The following RAB28 variants were observed in gnomAD, a reference collection of about 807,000 sequenced individuals.
RAB28 encodes ras-related protein Rab-28.
In RAB28, 24 loss-of-function variants were observed where a neutral mutation model predicts 31.7. The ratio of observed to expected loss-of-function variants is 0.76; its 90% CI spans 0.55 to 1.06. The LOEUF is 1.06. RAB28 is among the 50% of genes least tolerant of loss of function. The probability of loss-of-function intolerance (pLI) is 0.00; values close to 1 mark genes in which losing one functional copy is unlikely to be tolerated. For missense variants in RAB28, 254 were observed against 258.5 expected, an observed-to-expected ratio of 0.98 and a Z score of 0.12; for synonymous variants, 100 against 90.4, an observed-to-expected ratio of 1.11 and a Z score of -0.60.
At chr4:13,435,832 C>T (rs895027888) in intron 4 of RAB28, among the ~76,000 whole-genome samples, 3 of 152,186 alleles carry the variant, frequency 2.0e-5, no homozygotes, top group South Asian at 2.1e-4. Context: ...TGAAACTATT[C>T]CAAAAAGTCA....
intron 4 of RAB28, among the ~76,000 whole-genome samples, chr4:13,448,720 C>T (rs1014676995): frequency 1.4e-4 from 22 of 152,116 alleles, no homozygotes; most frequent in Middle Eastern, 3.4e-3. Flanking sequence ...GCCAATTAAA[C>T]TTGAAATGCT....
At chr4:13,473,568 T>C (rs972282302) in intron 3 of RAB28, among the ~76,000 whole-genome samples, 2 of 151,836 alleles carry the variant, frequency 1.3e-5, no homozygotes, top group South Asian at 2.1e-4. Context: ...AAGACAATTC[T>C]TCACTGAACA....
intron 3 of RAB28, among the ~76,000 whole-genome samples, chr4:13,464,518 G>A (rs1715748624): frequency 6.6e-6 from 1 of 151,988 alleles, no homozygotes. Flanking sequence ...TAAGAATATA[G>A]TATGCTTCTC....
intron 4 of RAB28, among the ~76,000 whole-genome samples, chr4:13,419,640 C>A (rs1713003613): frequency 6.6e-6 from 1 of 152,148 alleles, no homozygotes; most frequent in Admixed American, 6.5e-5. Flanking sequence ...ACAACCTGCT[C>A]CTGAATGACT....
chr4:13,438,526 A>G (rs1329952093), intron 4 of RAB28, among the ~76,000 whole-genome samples: 1 of 152,212 alleles, frequency 6.6e-6, no homozygotes, highest in Non-Finnish European at 1.5e-5. Flanking sequence ...ATCATGAAAT[A>G]CATGGGTGGC....
intron 6 of RAB28, among the ~76,000 whole-genome samples, chr4:13,372,434 G>A (rs868133339): frequency 6.6e-5 from 10 of 151,944 alleles, no homozygotes; most frequent in African/African-American, 2.2e-4. Context: ...TTCTGTCTTC[G>A]CAATTTCCTA....
chr4:13,463,330 G>A (rs1203126028), intron 3 of RAB28, among the ~76,000 whole-genome samples: 2 of 152,152 alleles, frequency 1.3e-5, no homozygotes, highest in African/African-American at 4.8e-5. Context: ...AGTACAGGAT[G>A]AGAGATATGG....
chr4:13,466,318 G>A (rs769113446), intron 3 of RAB28, among the ~76,000 whole-genome samples: 18 of 151,750 alleles, frequency 1.2e-4, no homozygotes, highest in Non-Finnish European at 2.2e-4. Context: ...CATCCAATAA[G>A]GGGTTAACAT....
chr4:13,381,221 C>G (rs1235784579), intron 5 of RAB28, among the ~76,000 whole-genome samples: 1 of 152,052 alleles, frequency 6.6e-6, no homozygotes, highest in African/African-American at 2.4e-5. Flanking sequence ...TAGATGGAAT[C>G]ATATGAGGTT....
At chr4:13,379,860 G>A (rs1393644668) in intron 5 of RAB28, among the ~76,000 whole-genome samples, 2 of 152,110 alleles carry the variant, frequency 1.3e-5, no homozygotes, top group African/African-American at 4.8e-5. Flanking sequence ...GTTACCTGGA[G>A]CTAGAAATGA....
chr4:13,409,016 A>C (rs1342796672), intron 4 of RAB28, among the ~76,000 whole-genome samples: 2 of 152,210 alleles, frequency 1.3e-5, no homozygotes, highest in South Asian at 2.1e-4. Context: ...TCTAATTAAA[A>C]TTTAATATTT....
chr4:13,459,298 C>T (rs1253629405), intron 4 of RAB28, among the ~76,000 whole-genome samples: 1 of 152,136 alleles, frequency 6.6e-6, no homozygotes, highest in Non-Finnish European at 1.5e-5. Context: ...TGCAGATGGC[C>T]TATCGTGGGA....
chr4:13,401,458 T>C (rs893498816), intron 4 of RAB28, among the ~76,000 whole-genome samples: 10 of 152,054 alleles, frequency 6.6e-5, no homozygotes, highest in Non-Finnish European at 8.8e-5. Flanking sequence ...CAAACCACTA[T>C]GGCATGTGTA....
intron 4 of RAB28, among the ~76,000 whole-genome samples, chr4:13,448,317 TAAAAG>T (rs970384016): frequency 3.3e-5 from 5 of 152,210 alleles, no homozygotes; most frequent in East Asian, 3.9e-4. Context: ...AGATTCATCC[TAAAAG>T]AAAACAAATA....
Position 13,420,482 on chromosome 4 carries a change from G to C in RAB28, c.392-38888C>G, listed in dbSNP as rs981599998. On this transcript the variant is annotated intron_variant, in intron 4 of 6. Transcript: ENST00000330852. Reference sequence around the variant, plus strand: ...AAGACAATTTTAGACCAATATCCCTGATGAACATCCACGTGAAAATCCTCA... The same window carrying C: ...AAGACAATTTTAGACCAATATCCCTCATGAACATCCACGTGAAAATCCTCA... 4.6e-5 allele frequency among the ~76,000 whole-genome samples: 7 copies of C among 152,238 alleles called. No individual in the cohort carries two copies. The South Asian group carries it at 1.0e-3, about 23-fold the overall frequency.
intron 6 of RAB28, among the ~76,000 whole-genome samples, chr4:13,369,478 C>A (rs1484869667): frequency 6.6e-6 from 1 of 151,998 alleles, no homozygotes; most frequent in Non-Finnish European, 1.5e-5. Flanking sequence ...AAAGTCTGCA[C>A]ACACAAGCAG....
chr4:13,381,276 T>G (rs1729117097), intron 5 of RAB28, among the ~76,000 whole-genome samples: 1 of 152,144 alleles, frequency 6.6e-6, no homozygotes, highest in Non-Finnish European at 1.5e-5. Context: ...TGGTTTATAT[T>G]CATTTTAATT....
At chr4:13,425,447 ATTT>A (rs2108925916) in intron 4 of RAB28, among the ~76,000 whole-genome samples, 1 of 152,242 alleles carries the variant, frequency 6.6e-6, no homozygotes, top group East Asian at 1.9e-4. Flanking sequence ...CTTCACAATA[ATTT>A]AACACAATAT....
At chr4:13,443,943 G>A (rs892362842) in intron 4 of RAB28, among the ~76,000 whole-genome samples, 3 of 150,986 alleles carry the variant, frequency 2.0e-5, no homozygotes, top group East Asian at 1.9e-4. Flanking sequence ...AGTGCTTGTC[G>A]TTCTGTGCCT....
Sources: gnomAD v4.1 joint callset for allele counts (sites outside exome capture counted in the v4.1 genomes callset) on GRCh38, gnomAD v4.1.1 for gene constraint, MANE v1.5 for transcripts, NCBI Gene and HGNC (gene_info 2026-07-23, HGNC 2026-07-21) for gene names.